PTPRK: variants seen among roughly 807,000 people sequenced by gnomAD.
PTPRK encodes the protein protein tyrosine phosphatase receptor type K.
Under a neutral mutation model 178.0 loss-of-function variants are expected in PTPRK, and 75 were observed. The ratio of observed to expected loss-of-function variants is 0.42; its 90% CI spans 0.35 to 0.51. PTPRK has a LOEUF of 0.51. PTPRK is among the 20% of genes least tolerant of loss of function. The probability of loss-of-function intolerance (pLI) is 0.02; values close to 1 mark genes in which losing one functional copy is unlikely to be tolerated. For synonymous variants in PTPRK, 637 were observed against 620.6 expected (o/e 1.03, Z -0.39); for missense variants, 1,441 against 1,797.8 (o/e 0.80, Z 3.59).
chr6:128,453,994 C>G (rs9491951), intron 1 of PTPRK, among the ~76,000 whole-genome samples: 4,195 of 152,188 alleles, frequency 0.028, 72 homozygotes, highest in African/African-American at 0.036. Context: ...GAATAAGACA[C>G]AATACACAAT....
chr6:128,136,694 G>A (rs1331772897), intron 7 of PTPRK, among the ~76,000 whole-genome samples: 1 of 152,166 alleles, frequency 6.6e-6, no homozygotes, highest in South Asian at 2.1e-4. Context: ...TATTTTTATT[G>A]TTTTAAAACC....
At chr6:128,187,955 T>C (rs1488357231) in intron 6 of PTPRK, among the ~76,000 whole-genome samples, 2 of 152,186 alleles carry the variant, frequency 1.3e-5, no homozygotes, top group Non-Finnish European at 2.9e-5. Flanking sequence ...ATTTATAAAA[T>C]TTCTATTCAT....
chr6:128,348,949 T>C (rs1454543125), intron 2 of PTPRK, among the ~76,000 whole-genome samples: 1 of 152,062 alleles, frequency 6.6e-6, no homozygotes, highest in Non-Finnish European at 1.5e-5. Context: ...AAAATCCACC[T>C]ATCTAAGAAT....
At chr6:128,351,131 C>G (rs918579782) in intron 2 of PTPRK, among the ~76,000 whole-genome samples, 2 of 152,284 alleles carry the variant, frequency 1.3e-5, no homozygotes, top group African/African-American at 4.8e-5. Context: ...ATCTTCTACT[C>G]TTTGAAGAGC....
intron 21 of PTPRK, among the ~76,000 whole-genome samples, chr6:127,989,602 G>A (rs1225652351): frequency 6.6e-6 from 1 of 151,986 alleles, no homozygotes; most frequent in Non-Finnish European, 1.5e-5. Flanking sequence ...AAGCTCTGGA[G>A]ATATACTGTT....
At chr6:128,049,853 T>C (rs1157194954) in intron 13 of PTPRK, among the ~76,000 whole-genome samples, 1 of 152,104 alleles carries the variant, frequency 6.6e-6, no homozygotes, top group East Asian at 1.9e-4. Context: ...TATACAAAGA[T>C]AGGCCAGGTG....
At chr6:128,163,313 TA>T (rs1798946912) in intron 7 of PTPRK, among the ~76,000 whole-genome samples, 1 of 151,080 alleles carries the variant, frequency 6.6e-6, no homozygotes, top group African/African-American at 2.4e-5. Context: ...ATGTTAGAAA[TA>T]AGTATTAATA....
chr6:128,367,629 T>C (rs1835699430), intron 2 of PTPRK, among the ~76,000 whole-genome samples: 1 of 152,182 alleles, frequency 6.6e-6, no homozygotes, highest in South Asian at 2.1e-4. Context: ...ACCTCTGACC[T>C]TTGACTAATC....
At chr6:128,366,464 CA>C (rs1174732111) in intron 2 of PTPRK, among the ~76,000 whole-genome samples, 2 of 151,998 alleles carry the variant, frequency 1.3e-5, no homozygotes, top group Non-Finnish European at 2.9e-5. Flanking sequence ...CTTATACTAA[CA>C]AAAACATCTC....
At chr6:128,264,075 T>G (rs1447203410) in intron 3 of PTPRK, among the ~76,000 whole-genome samples, 2 of 152,232 alleles carry the variant, frequency 1.3e-5, no homozygotes, top group Admixed American at 1.3e-4. Flanking sequence ...CAGTGGAGAT[T>G]GGCAGCAAAG....
chr6:128,278,155 ATTT>A (rs1821060654), intron 3 of PTPRK, among the ~76,000 whole-genome samples: 1 of 150,052 alleles, frequency 6.7e-6, no homozygotes. Flanking sequence ...TTATTTATTT[ATTT>A]ATTTATTTAT....
At chr6:128,433,425 G>A (rs948542653) in intron 1 of PTPRK, among the ~76,000 whole-genome samples, 5 of 151,938 alleles carry the variant, frequency 3.3e-5, no homozygotes, top group Non-Finnish European at 7.4e-5. Flanking sequence ...TGAACTCCAC[G>A]TCCATCCCTG....
At chr6:128,359,768 AT>A (rs1326792101) in intron 2 of PTPRK, among the ~76,000 whole-genome samples, 30 of 152,060 alleles carry the variant, frequency 2.0e-4, no homozygotes, top group African/African-American at 7.2e-4. Flanking sequence ...TAAAAAAAAA[AT>A]AATAAAATAA....
intron 3 of PTPRK, among the ~76,000 whole-genome samples, chr6:128,272,874 A>C (rs932521779): frequency 6.6e-6 from 1 of 152,216 alleles, no homozygotes; most frequent in Non-Finnish European, 1.5e-5. Context: ...TACCCGAAGG[A>C]TTATTAATCA....
At chr6:127,989,814 GT>G (rs35498015) in intron 21 of PTPRK, among the ~76,000 whole-genome samples, 68,499 of 147,264 alleles carry the variant, frequency 0.47, 15,559 homozygotes, top group African/African-American at 0.52. Context: ...AGAGATTCTA[GT>G]TTTTTTTTTT....
chr6:128,370,375 G>A (rs1167100177), intron 2 of PTPRK, among the ~76,000 whole-genome samples: 1 of 151,996 alleles, frequency 6.6e-6, no homozygotes, highest in Non-Finnish European at 1.5e-5. Flanking sequence ...CAGTAAAATA[G>A]GGAATAGAAC....
At chr6:128,254,329 T>C (rs753505597) in intron 3 of PTPRK, among the ~76,000 whole-genome samples, 166 of 152,234 alleles carry the variant, frequency 1.1e-3, no homozygotes, top group South Asian at 1.9e-3. Context: ...TAATTTATGA[T>C]GTTAGTGCTT....
chr6:128,097,053 T>A (rs1788035121), intron 7 of PTPRK, among the ~76,000 whole-genome samples: 1 of 152,144 alleles, frequency 6.6e-6, no homozygotes, highest in Admixed American at 6.5e-5. Flanking sequence ...TACAGCATCA[T>A]TAGTCTTGCC....
intron 2 of PTPRK, among the ~76,000 whole-genome samples, chr6:128,327,248 T>C (rs923600315): frequency 8.5e-5 from 13 of 152,290 alleles, no homozygotes; most frequent in Admixed American, 5.2e-4. Flanking sequence ...AAGAAAATAA[T>C]TCATGATAAA....
Sources: allele counts gnomAD v4.1 joint callset (sites outside exome capture counted in the v4.1 genomes callset), GRCh38; gene constraint gnomAD v4.1.1; transcripts MANE v1.5; gene names NCBI Gene and HGNC (gene_info 2026-07-23, HGNC 2026-07-21).